Variants in TEX101 observed in about 807,000 individuals in gnomAD.
TEX101 encodes the protein testis-expressed protein 101.
A neutral mutation model predicts 18.1 loss-of-function variants in TEX101; 10 were observed. The ratio of observed to expected loss-of-function variants is 0.55; its 90% confidence interval spans 0.34 to 0.94. The LOEUF (loss-of-function observed/expected upper bound fraction) is 0.94. Among genes scored for constraint, TEX101 ranks in the 40% least tolerant of loss-of-function variants. The pLI, the probability that TEX101 is intolerant of heterozygous loss-of-function variation, is 0.02. For missense variants in TEX101, 259 were observed against 298.9 expected (o/e 0.87, Z 0.98); for synonymous variants, 94 against 114.8 (o/e 0.82, Z 1.16).
the TEX101 span, among the ~76,000 whole-genome samples, chr19:43,391,406 C>CTTTTTTTTTTTTTT: frequency 8.3e-5 from 8 of 95,898 alleles, no homozygotes; most frequent in South Asian, 3.7e-4. Context: ...TTCTGTTTTT[C>CTTTTTTTTTTTTTT]TTTTTTTTTT....
chr19:43,399,076 T>C (rs1970298286), upstream of TEX101, among the ~76,000 whole-genome samples: 1 of 152,198 alleles, frequency 6.6e-6, no homozygotes, highest in African/African-American at 2.4e-5. Context: ...AGCAGACATG[T>C]TGTCTTATAG....
the TEX101 span, among the ~76,000 whole-genome samples, chr19:43,391,592 G>A: frequency 1.3e-5 from 2 of 152,030 alleles, no homozygotes; most frequent in Admixed American, 1.3e-4. Context: ...AGCACATGGT[G>A]CATTGTTCTG....
At chr19:43,414,100 G>A (rs1370896913), upstream of TEX101, among the ~76,000 whole-genome samples, 3 of 150,762 alleles carry the variant, frequency 2.0e-5, no homozygotes, top group Admixed American at 2.0e-4. Flanking sequence ...CTCCAGCCTG[G>A]GCAAAAAGAG....
the TEX101 span, among the ~76,000 whole-genome samples, chr19:43,393,948 T>G: frequency 6.6e-6 from 1 of 151,936 alleles, no homozygotes. Context: ...AAGTAAACTT[T>G]CCCTTTTCTG....
intron 3 of TEX101, 60 bp downstream of exon 3, chr19:43,416,302 T>G: frequency 6.3e-7 from 1 of 1,585,816 alleles, no homozygotes; most frequent in Non-Finnish European, 8.6e-7. Flanking sequence ...TCCATGCCAA[T>G]GCTTGTTCCC....
upstream of TEX101, among the ~76,000 whole-genome samples, chr19:43,410,266 A>C (rs911082115): frequency 6.6e-6 from 1 of 152,166 alleles, no homozygotes; most frequent in Non-Finnish European, 1.5e-5. Context: ...CATTGGAGGA[A>C]TGGGCTTTGA....
intron 3 of TEX101, among the ~76,000 whole-genome samples, chr19:43,409,311 A>T (rs936716903): frequency 6.6e-6 from 1 of 152,318 alleles, no homozygotes; most frequent in East Asian, 1.9e-4. Flanking sequence ...AGACTCAGCT[A>T]TTTTTACTAT....
intron 2 of TEX101, among the ~76,000 whole-genome samples, chr19:43,405,332 G>A (rs927376119): frequency 1.7e-4 from 26 of 152,028 alleles, no homozygotes; most frequent in East Asian, 1.9e-4. Context: ...ACTTTGGGGG[G>A]CCGAGGTGGG....
chr19:43,408,155 C>A (rs1356672357), intron 3 of TEX101, among the ~76,000 whole-genome samples: 2 of 152,236 alleles, frequency 1.3e-5, no homozygotes, highest in Non-Finnish European at 2.9e-5. Flanking sequence ...GCCCGCAATG[C>A]CCTCAGGAGG....
the TEX101 span, among the ~76,000 whole-genome samples, chr19:43,395,973 C>T: frequency 6.6e-5 from 10 of 152,242 alleles, no homozygotes; most frequent in Non-Finnish European, 1.0e-4. Flanking sequence ...CTGCAGGTCC[C>T]CTGCACCACC....
chr19:43,389,042 T>G, the TEX101 span, among the ~76,000 whole-genome samples: 1 of 152,144 alleles, frequency 6.6e-6, no homozygotes, highest in African/African-American at 2.4e-5. Flanking sequence ...CATGTGCTGA[T>G]GCCTCTCGGA....
intron 1 of TEX101, 55 bp from the exon 2 acceptor site, chr19:43,415,826 G>T: frequency 1.3e-6 from 2 of 1,484,912 alleles, no homozygotes; most frequent in South Asian, 1.1e-5. Flanking sequence ...ACCTAGATTT[G>T]ATCTCATGCA....
chr19:43,416,268 T>A, intron 3 of TEX101, 26 bp downstream of exon 3: 1 of 1,594,544 alleles, frequency 6.3e-7, no homozygotes, highest in Non-Finnish European at 8.5e-7. Flanking sequence ...GCATTTGGGC[T>A]GGGTAGGAGG....
chr19:43,405,549 CAAAAAAAAAAAAA>C lies in TEX101; in HGVS notation c.-282-660_-282-648del, dbSNP rs1163062557. On this transcript the variant is annotated intron_variant, in intron 2 of 7. Transcript: ENST00000602198. ...CCATGACAAGAACAAAACTCTGTCTCAAAAAAAAAAAAAAAAAAAAAAAAAAGAGGCAAAGACA... is the reference window on the plus strand; with the variant it reads ...CCATGACAAGAACAAAACTCTGTCTCAAAAAAAAAAAAAGAGGCAAAGACA... Among the ~76,000 whole-genome samples the C allele has an allele frequency of 2.1e-4, 8 of 38,490 alleles. No individual in the cohort carries two copies. In the East Asian group the frequency reaches 5.2e-3, roughly 25 times the overall value. 25.3% of individuals were successfully genotyped at this position (38,490 alleles called of 152,430 possible).
chr19:43,390,249 CTG>C, the TEX101 span, among the ~76,000 whole-genome samples: 3 of 152,174 alleles, frequency 2.0e-5, no homozygotes, highest in East Asian at 3.9e-4. Flanking sequence ...CATGAAGAGC[CTG>C]TGTCTCATCC....
upstream of TEX101, among the ~76,000 whole-genome samples, chr19:43,411,827 T>G (rs1478639912): frequency 6.6e-6 from 1 of 152,108 alleles, no homozygotes; most frequent in Non-Finnish European, 1.5e-5. Flanking sequence ...ATTTTTGTAT[T>G]TTTAGCAGAG....
intron 4 of TEX101, among the ~76,000 whole-genome samples, chr19:43,417,030 C>CAAAAAAA (rs746528568): frequency 1.4e-5 from 1 of 70,534 alleles, no homozygotes; most frequent in Non-Finnish European, 3.1e-5. Context: ...AAGACTCCAT[C>CAAAAAAA]AAAAAAAAAA....
At chr19:43,410,341 C>G (rs1970407536), upstream of TEX101, among the ~76,000 whole-genome samples, 1 of 152,028 alleles carries the variant, frequency 6.6e-6, no homozygotes. Context: ...AGAGGTCTCC[C>G]ATGCAGAGGG....
chr19:43,394,553 C>T, the TEX101 span, among the ~76,000 whole-genome samples: 20 of 151,970 alleles, frequency 1.3e-4, no homozygotes, highest in African/African-American at 4.4e-4. Flanking sequence ...TCACTGCAAC[C>T]TCTGCCTCCC....
Sources: allele counts gnomAD v4.1 joint callset (sites outside exome capture counted in the v4.1 genomes callset), GRCh38; gene constraint gnomAD v4.1.1; transcripts MANE v1.5; gene names NCBI Gene and HGNC (gene_info 2026-07-23, HGNC 2026-07-21).